The following SLC39A8 variants were observed in gnomAD, a reference collection of about 807,000 sequenced individuals.
The protein encoded by SLC39A8 is solute carrier family 39 member 8, also known as metal cation symporter ZIP8.
Under a neutral mutation model 40.4 loss-of-function variants are expected in SLC39A8, and 15 were observed. The ratio of observed to expected loss-of-function variants is 0.37; its 90% CI spans 0.25 to 0.57. The LOEUF (loss-of-function observed/expected upper bound fraction) is 0.57, where lower values mean the gene tolerates loss of function less well. Ranked by LOEUF, SLC39A8 falls within the 20% of genes least tolerant of loss-of-function variation. The pLI is 0.75. For synonymous variants in SLC39A8, 223 were observed against 221.6 expected (o/e 1.01, Z -0.06); for missense variants, 472 against 558.8 (o/e 0.84, Z 1.57).
chr4:102,317,598 T>C (rs1464691802), intron 2 of SLC39A8, among the ~76,000 whole-genome samples: 3 of 152,164 alleles, frequency 2.0e-5, no homozygotes, highest in Admixed American at 6.6e-5. Flanking sequence ...AGAAGCATAA[T>C]TGCTAGATTC....
chr4:102,320,202 T>TGA (rs1416914521), intron 2 of SLC39A8, among the ~76,000 whole-genome samples: 1 of 136,784 alleles, frequency 7.3e-6, no homozygotes, highest in Non-Finnish European at 1.5e-5. Context: ...TATATATATA[T>TGA]GTATATATAT....
chr4:102,304,235 A>G (rs1734036336), intron 6 of SLC39A8, 82 bp downstream of exon 6: 1 of 1,072,196 alleles, frequency 9.3e-7, no homozygotes, highest in Non-Finnish European at 1.3e-6. Context: ...ATGTACAAAA[A>G]CTGACTTAGC....
chr4:102,265,058 T>C (rs1203920930), intron 8 of SLC39A8, among the ~76,000 whole-genome samples: 1 of 152,350 alleles, frequency 6.6e-6, no homozygotes, highest in Non-Finnish European at 1.5e-5. Context: ...TTTAATTTCC[T>C]TCATCAATCC....
At chr4:102,288,040 C>T (rs749517821) in intron 6 of SLC39A8, among the ~76,000 whole-genome samples, 42 of 152,118 alleles carry the variant, frequency 2.8e-4, no homozygotes, top group Non-Finnish European at 5.6e-4. Flanking sequence ...CAGGTACAGG[C>T]ATACCTCTTT....
At chr4:102,257,359 T>A (rs573560088), downstream of SLC39A8, among the ~76,000 whole-genome samples, 2 of 152,304 alleles carry the variant, frequency 1.3e-5, no homozygotes, top group African/African-American at 4.8e-5. Flanking sequence ...TTTCTAGTAA[T>A]TTCTTTGAAT....
chr4:102,338,176 C>T (rs1735759466), intron 2 of SLC39A8, among the ~76,000 whole-genome samples: 1 of 151,014 alleles, frequency 6.6e-6, no homozygotes, highest in Non-Finnish European at 1.5e-5. Context: ...TCACAGTTTC[C>T]ATCTTATTTC....
intron 6 of SLC39A8, among the ~76,000 whole-genome samples, chr4:102,299,052 C>T (rs1003097815): frequency 4.6e-5 from 7 of 151,944 alleles, no homozygotes; most frequent in African/African-American, 1.7e-4. Flanking sequence ...AATTCAAAGA[C>T]ACAAAGCAAA....
chr4:102,306,038 A>G (rs1734157380), intron 4 of SLC39A8, among the ~76,000 whole-genome samples: 1 of 152,070 alleles, frequency 6.6e-6, no homozygotes, highest in Non-Finnish European at 1.5e-5. Context: ...ATAAATATAA[A>G]TGTTCCATTT....
intron 2 of SLC39A8, among the ~76,000 whole-genome samples, chr4:102,343,982 A>G (rs1736047330): frequency 6.6e-6 from 1 of 152,152 alleles, no homozygotes; most frequent in South Asian, 2.1e-4. Flanking sequence ...ACTACATTAT[A>G]TCTCGTTTTC....
chr4:102,256,065 T>TA (rs1241409760), intron 11 of SLC39A8, among the ~76,000 whole-genome samples: 1 of 152,234 alleles, frequency 6.6e-6, no homozygotes, highest in Non-Finnish European at 1.5e-5. Flanking sequence ...CCACAGTTTC[T>TA]AAGCTTCTAA....
rs1370118518 is a variant in SLC39A8, at chr4:102,307,444, T to G, written c.544A>C (p.Ile182Leu). 6.2e-7 allele frequency: 1 copy of G among 1,613,034 alleles called. No homozygotes were observed. The highest frequency in any genetic ancestry group is 1.3e-5 in the African/African-American group (1 of 74,800). Residue 182 changes from isoleucine to leucine, a missense_variant, in exon 4 of 9, where the codon ATT (isoleucine) becomes CTT (leucine). Physicochemically the swap from Ile to Leu is conservative, Grantham distance 5 (BLOSUM62 2). Transcript: ENST00000356736. ...TLFSNAIFQL[I>L]PEAFGFDPKV... ...ATAGCCAACATCCTTACCTCTGGAA[T>G]AAGTTGGAAAATTGCATTTGAAAAA...
chr4:102,334,402 T>G (rs1304608093), intron 2 of SLC39A8, among the ~76,000 whole-genome samples: 1 of 152,216 alleles, frequency 6.6e-6, no homozygotes, highest in East Asian at 1.9e-4. Context: ...CACAATATTG[T>G]TTCGAGTATC....
chr4:102,338,464 GC>G (rs1360213302), intron 2 of SLC39A8, among the ~76,000 whole-genome samples: 5 of 152,092 alleles, frequency 3.3e-5, no homozygotes, highest in African/African-American at 1.2e-4. Flanking sequence ...GGGATTACAG[GC>G]GTTAGCCACC....
At chr4:102,253,541 A>G in intron 11 of SLC39A8, 1 of 534,630 alleles carries the variant, frequency 1.9e-6, no homozygotes, top group African/African-American at 2.0e-5. Flanking sequence ...TCCTAATCAC[A>G]TCTATTAGCT....
intron 6 of SLC39A8, among the ~76,000 whole-genome samples, chr4:102,280,345 G>A (rs991414081): frequency 6.6e-6 from 1 of 152,030 alleles, no homozygotes; most frequent in African/African-American, 2.4e-5. Context: ...ATTTGAGTAG[G>A]CCATCTCTCT....
chr4:102,304,921 C>CTTTTTTT, intron 5 of SLC39A8, 68 bp downstream of exon 5: 1 of 1,373,114 alleles, frequency 7.3e-7, no homozygotes. Context: ...AAATTTCTGT[C>CTTTTTTT]TTTATTTGCC....
chr4:102,322,857 A>G (rs1405862045), intron 2 of SLC39A8, among the ~76,000 whole-genome samples: 2 of 152,160 alleles, frequency 1.3e-5, no homozygotes. Context: ...CTCAATGACA[A>G]TCAACTTTAA....
chr4:102,325,442 T>TAC (rs1373406978), intron 2 of SLC39A8, among the ~76,000 whole-genome samples: 1 of 152,062 alleles, frequency 6.6e-6, no homozygotes, highest in Non-Finnish European at 1.5e-5. Context: ...TACACATACA[T>TAC]ACACACACAC....
At chr4:102,273,426 C>T (rs1732460849) in intron 6 of SLC39A8, among the ~76,000 whole-genome samples, 1 of 152,220 alleles carries the variant, frequency 6.6e-6, no homozygotes. Context: ...GCATCTCTGG[C>T]AGAAAGGCAG....
Sources: gnomAD v4.1 joint callset for allele counts (sites outside exome capture counted in the v4.1 genomes callset) on GRCh38, gnomAD v4.1.1 for gene constraint, MANE v1.5 for transcripts, NCBI Gene and HGNC (gene_info 2026-07-23, HGNC 2026-07-21) for gene names.